UBOX5: variants seen among roughly 807,000 people sequenced by gnomAD.
UBOX5 encodes the protein RING finger protein 37.
A neutral mutation model predicts 39.0 loss-of-function variants in UBOX5; 28 were observed. That is an observed-to-expected ratio of 0.72 (90% CI 0.53 to 0.98). UBOX5 has a LOEUF of 0.98. UBOX5 is among the 50% of genes least tolerant of loss of function. The probability of loss-of-function intolerance (pLI) is 0.00; values close to 1 mark genes in which losing one functional copy is unlikely to be tolerated. For missense variants in UBOX5, 585 were observed against 674.4 expected, an observed-to-expected ratio of 0.87 and a Z score of 1.47; for synonymous variants, 283 against 275.5, an observed-to-expected ratio of 1.03 and a Z score of -0.27.
intron 1 of UBOX5, among the ~76,000 whole-genome samples, chr20:3,131,310 C>A (rs1478076144): frequency 6.6e-6 from 1 of 151,236 alleles, no homozygotes; most frequent in Non-Finnish European, 1.5e-5. Flanking sequence ...ATAAAGCATT[C>A]TAATTTTCAT....
intron 1 of UBOX5, among the ~76,000 whole-genome samples, chr20:3,130,775 T>C (rs1452029624): frequency 6.6e-6 from 1 of 151,830 alleles, no homozygotes; most frequent in Non-Finnish European, 1.5e-5. Flanking sequence ...TTTTCAGTTG[T>C]TTTTGCTTTT....
At chr20:3,133,292 A>T (rs574406794) in intron 1 of UBOX5, among the ~76,000 whole-genome samples, 2 of 152,294 alleles carry the variant, frequency 1.3e-5, no homozygotes, top group East Asian at 3.9e-4. Flanking sequence ...GGCTCAACAT[A>T]TGAAAATGCA....
chr20:3,152,846 C>CA (rs1478624953), intron 1 of UBOX5, among the ~76,000 whole-genome samples: 1 of 150,904 alleles, frequency 6.6e-6, no homozygotes, highest in Non-Finnish European at 1.5e-5. Context: ...GCAGAGGTTG[C>CA]AGTGAGCTGA....
intron 1 of UBOX5, chr20:3,148,984 T>G (rs766403475): frequency 6.2e-7 from 1 of 1,614,124 alleles, no homozygotes; most frequent in Admixed American, 1.7e-5. Flanking sequence ...CATTCCAGTA[T>G]GACACACTTC....
chr20:3,109,694 T>TCATCC lies in UBOX5; in HGVS notation c.*411_*412insGGATG, dbSNP rs1317401812. On this transcript the variant is annotated 3_prime_UTR_variant, in exon 5 of 5. Coordinates refer to ENST00000217173, the MANE Select transcript of UBOX5 (RefSeq NM_014948.4). The stretch of plus-strand genomic sequence containing the variant: ...ACAGACACCCCCACTGCTCCCAAGG[T>TCATCC]CCACTTTTGGATGACCCTGAAGGCA... 1 of 229,676 alleles carries TCATCC rather than the reference T, an allele frequency of 4.4e-6. No individual in the cohort carries two copies. The highest frequency in any genetic ancestry group is 1.0e-4 in the East Asian group (1 of 9,856). 14.2% of individuals were successfully genotyped at this position (229,676 alleles called of 1,614,324 possible). A position where few individuals can be genotyped will look rare whatever the true frequency, so the allele number is the denominator to read the frequency against.
intron 1 of UBOX5, among the ~76,000 whole-genome samples, chr20:3,129,828 G>T (rs547035422): frequency 1.3e-5 from 2 of 152,124 alleles, no homozygotes; most frequent in African/African-American, 4.8e-5. Context: ...AGAAAGCTCC[G>T]AATAAAATCT....
At chr20:3,127,191 T>C (rs1009921061) in intron 1 of UBOX5, among the ~76,000 whole-genome samples, 11 of 152,104 alleles carry the variant, frequency 7.2e-5, no homozygotes, top group Admixed American at 3.9e-4. Context: ...CTCAACTCCT[T>C]GGTGAGGCCA....
chr20:3,130,133 T>C (rs902808969), intron 1 of UBOX5, among the ~76,000 whole-genome samples: 1 of 152,012 alleles, frequency 6.6e-6, no homozygotes, highest in East Asian at 1.9e-4. Flanking sequence ...CTCAGGAGTA[T>C]GGCTTGACCC....
chr20:3,115,257 CAG>C, intron 4 of UBOX5, 46 bp downstream of exon 4: 1 of 1,562,212 alleles, frequency 6.4e-7, no homozygotes, highest in Non-Finnish European at 8.7e-7. Flanking sequence ...AGACAGAAAA[CAG>C]ACCACCCATT....
intron 4 of UBOX5, among the ~76,000 whole-genome samples, chr20:3,113,244 C>T (rs748823121): frequency 2.5e-4 from 37 of 147,002 alleles, no homozygotes; most frequent in Non-Finnish European, 3.6e-4. Flanking sequence ...GCCGAGATTG[C>T]GCCATTGTAC....
chr20:3,127,744 C>T (rs1241115367), intron 1 of UBOX5, among the ~76,000 whole-genome samples: 2 of 152,200 alleles, frequency 1.3e-5, no homozygotes, highest in South Asian at 2.1e-4. Flanking sequence ...TATTATCATA[C>T]CTAAAATTTT....
intron 1 of UBOX5, chr20:3,147,268 T>C: frequency 6.2e-7 from 1 of 1,614,230 alleles, no homozygotes; most frequent in Non-Finnish European, 8.5e-7. Context: ...TATTAAATGG[T>C]AATGGCTTCA....
chr20:3,112,827 G>A (rs948554436), intron 4 of UBOX5, among the ~76,000 whole-genome samples: 7 of 151,812 alleles, frequency 4.6e-5, no homozygotes, highest in Non-Finnish European at 1.0e-4. Flanking sequence ...TTAGCCGGGC[G>A]TGGTGGCGGG....
chr20:3,122,350 G>A lies in UBOX5; in HGVS notation c.289C>T (p.Pro97Ser), dbSNP rs2066345181. 1.2e-6 allele frequency: 2 copies of A among 1,614,196 alleles called. No individual in the cohort carries two copies. The highest frequency in any genetic ancestry group is 1.7e-6 in the Non-Finnish European group (2 of 1,180,046). ...ASSSRVSWNT[P>S]QCRTLGPAEP... is the part of the protein sequence containing the mutation. ...GCTGGGCCCAGGGTCCGGCACTGGG[G>A]CGTATTCCAAGACACTCTGCTAGAT... The change falls in exon 3 of 5, where the codon CCC becomes TCC. Residue 97 changes from proline to serine, a missense_variant. Coordinates refer to ENST00000217173, the MANE Select transcript of UBOX5 (RefSeq NM_014948.4).
chr20:3,124,091 T>C (rs2066358775), intron 1 of UBOX5, among the ~76,000 whole-genome samples: 1 of 151,900 alleles, frequency 6.6e-6, no homozygotes, highest in African/African-American at 2.4e-5. Flanking sequence ...TAGTCACAAC[T>C]ATTTGGGAGG....
chr20:3,117,287 G>GCACACACACA (rs11468015), intron 3 of UBOX5, among the ~76,000 whole-genome samples: 3 of 147,520 alleles, frequency 2.0e-5, no homozygotes, highest in African/African-American at 7.6e-5. Context: ...ACCAAAGATG[G>GCACACACACA]CACACACACA....
chr20:3,156,484 T>C (rs566862282), intron 1 of UBOX5, among the ~76,000 whole-genome samples: 39 of 152,250 alleles, frequency 2.6e-4, no homozygotes, highest in Admixed American at 2.0e-3. Context: ...GCCTGACTCT[T>C]TCAATAAAGG....
chr20:3,122,408 G>C lies in UBOX5; in HGVS notation c.231C>G (p.Asn77Lys). The change falls in exon 3 of 5, where the codon AAC becomes AAG. Residue 77 changes from asparagine (N) to lysine (K), a missense_variant. By Grantham distance (94) the Asn-to-Lys change is moderately conservative. Coordinates refer to ENST00000217173, the MANE Select transcript of UBOX5 (RefSeq NM_014948.4). ...ATGTGTACATTTCCAGGCCAGTGAC[G>C]TTCTGACCTCCCCCAGCTGTGAGGT... is the stretch of plus-strand genomic sequence containing the variant. ...NIDLTAGGGQ[N>K]VTGLEMYTSA... 1.2e-6 allele frequency: 2 copies of C among 1,614,176 alleles called. No homozygotes were observed. Among genetic ancestry groups the C allele is most frequent in the Non-Finnish European group, 1.7e-6 (2 of 1,180,016 alleles).
At chr20:3,145,010 C>A (rs1376014252) in intron 1 of UBOX5, among the ~76,000 whole-genome samples, 2 of 152,142 alleles carry the variant, frequency 1.3e-5, no homozygotes, top group Admixed American at 1.3e-4. Flanking sequence ...ATATTAAGTT[C>A]ACCAATTCTG....
Sources: gnomAD v4.1 joint callset for allele counts (sites outside exome capture counted in the v4.1 genomes callset) on GRCh38, gnomAD v4.1.1 for gene constraint, MANE v1.5 for transcripts, NCBI Gene and HGNC (gene_info 2026-07-23, HGNC 2026-07-21) for gene names.